MGAM: variants seen among roughly 807,000 people sequenced by gnomAD.
The protein encoded by MGAM is maltase-glucoamylase.
A neutral mutation model predicts 358.8 loss-of-function variants in MGAM; 253 were observed. The ratio of observed to expected loss-of-function variants is 0.71; its 90% confidence interval spans 0.64 to 0.78. The LOEUF (loss-of-function observed/expected upper bound fraction) is 0.78. Ranked by LOEUF, MGAM falls within the 30% of genes least tolerant of loss-of-function variation. MGAM has a pLI of 0.00. For synonymous variants in MGAM, 1,105 were observed against 1,227.1 expected (o/e 0.90, Z 2.08); for missense variants, 3,080 against 3,432.6 (o/e 0.90, Z 2.57).
intron 14 of MGAM, 50 bp from the exon 15 acceptor site, chr7:142,034,212 A>C: frequency 7.3e-7 from 1 of 1,361,728 alleles, no homozygotes; most frequent in Non-Finnish European, 1.0e-6. Flanking sequence ...GTCAAGGAGC[A>C]GAAAATGTGC....
chr7:142,054,884 G>A lies in MGAM; in HGVS notation c.3290G>A (p.Arg1097His), dbSNP rs768127980. ...IKKNPFGIEI[R>H]RKSTGTIIWD... ...AAGAATCCATTTGGGATTGAAATTCGCCGGAAGAGTACAGGCACTATAATG... is the reference window on the plus strand; with the variant it reads ...AAGAATCCATTTGGGATTGAAATTCACCGGAAGAGTACAGGCACTATAATG... The change falls in exon 27 of 71, where the codon CGC becomes CAC. Residue 1097 changes from arginine to histidine, a missense_variant. By Grantham distance (29) the Arg-to-His change is conservative. Transcript: ENST00000475668. 12 of 1,613,800 alleles carry A rather than the reference G, an allele frequency of 7.4e-6. No individual in the cohort carries two copies. Among genetic ancestry groups the A allele is most frequent in the Admixed American group, 1.7e-5 (1 of 60,008 alleles).
chr7:142,088,954 T>G (rs536868980), intron 57 of MGAM, among the ~76,000 whole-genome samples: 1 of 129,260 alleles, frequency 7.7e-6, no homozygotes, highest in Non-Finnish European at 1.7e-5. Context: ...TATTTATATA[T>G]CATCTATCTC....
chr7:142,092,110 T>C, intron 58 of MGAM, 63 bp downstream of exon 58: 1 of 1,512,630 alleles, frequency 6.6e-7, no homozygotes, highest in Non-Finnish European at 9.0e-7. Flanking sequence ...CCTACGTGTA[T>C]GTACCACTGA....
chr7:142,045,107 TACGTG>T (rs1809896391), intron 21 of MGAM, among the ~76,000 whole-genome samples: 1 of 72,838 alleles, frequency 1.4e-5, no homozygotes, highest in African/African-American at 4.8e-5. Context: ...ATATTATATA[TACGTG>T]CAATATATGA....
intron 2 of MGAM, among the ~76,000 whole-genome samples, chr7:142,006,835 GTTAT>G (rs1440506436): frequency 3.9e-5 from 6 of 152,236 alleles, no homozygotes; most frequent in African/African-American, 9.6e-5. Flanking sequence ...TGTTTCTGGT[GTTAT>G]TTGTCAGTCC....
intron 22 of MGAM, among the ~76,000 whole-genome samples, chr7:142,049,613 T>C (rs1315234832): frequency 1.3e-5 from 2 of 152,108 alleles, no homozygotes; most frequent in Non-Finnish European, 2.9e-5. Flanking sequence ...AAAGATCAAA[T>C]GACCCAATTA....
chr7:142,044,269 C>T (rs1211985481), intron 21 of MGAM, among the ~76,000 whole-genome samples: 1 of 89,256 alleles, frequency 1.1e-5, no homozygotes, highest in Non-Finnish European at 2.7e-5. Flanking sequence ...ATAATATATA[C>T]ATTATATACA....
At chr7:142,026,976 C>G in intron 8 of MGAM, 139 bp from the exon 9 acceptor site, 1 of 617,432 alleles carries the variant, frequency 1.6e-6, no homozygotes, top group Non-Finnish European at 2.8e-6. Flanking sequence ...AGGGTTTTCA[C>G]TTGGTATTCA....
At chr7:142,041,568 C>T (rs972424463) in intron 21 of MGAM, among the ~76,000 whole-genome samples, 2 of 151,866 alleles carry the variant, frequency 1.3e-5, no homozygotes, top group African/African-American at 4.8e-5. Flanking sequence ...AGTCCAAAGT[C>T]TTTCATTAAT....
At position 142,071,070 on chromosome 7, in the gene MGAM, G is replaced by A. The variant is rs1241828368; in HGVS notation, c.5138G>A (p.Gly1713Glu). Reference protein sequence around the residue: ...PLDHINLHVRGGYILPWQEPA... With the variant: ...PLDHINLHVREGYILPWQEPA... ...GACCACATTAATCTTCATGTCCGTGGGGGCTACATCCTGCCCTGGCAAGAG... is the reference window on the plus strand; with the variant it reads ...GACCACATTAATCTTCATGTCCGTGAGGGCTACATCCTGCCCTGGCAAGAG... The change falls in exon 44 of 71, where the codon GGG becomes GAG. Residue 1713 changes from glycine (G) to glutamate (E), a missense_variant. Physicochemically the swap from Gly to Glu is moderately conservative, Grantham distance 98 (BLOSUM62 -2). Transcript: ENST00000475668. The A allele has an allele frequency of 6.4e-7, 1 of 1,556,322 alleles. No individual in the cohort carries two copies. The highest frequency in any genetic ancestry group is 1.7e-5 in the Admixed American group (1 of 58,506).
intron 35 of MGAM, among the ~76,000 whole-genome samples, chr7:142,062,943 A>G (rs554686033): frequency 2.0e-5 from 3 of 152,312 alleles, no homozygotes; most frequent in African/African-American, 7.2e-5. Context: ...TCACGCCTGT[A>G]ATCCCAGCAC....
Position 142,000,413 on chromosome 7 carries a change from G to A in MGAM, c.-3+4483G>A, listed in dbSNP as rs143302703. On this transcript the variant is annotated intron_variant, in intron 1 of 70. Transcript: ENST00000475668. ...GGTTTCTTCAGGAAATGATCCAAGA[G>A]AAAGAGCAAGGAGGAAGCTGTAATG... Among the ~76,000 whole-genome samples the A allele has an allele frequency of 5.0e-3, 760 of 152,242 alleles. 5 individuals are homozygous for A. The highest frequency in any genetic ancestry group is 8.6e-3 in the Non-Finnish European group (585 of 68,012).
At chr7:142,050,994 G>A in intron 24 of MGAM, 130 bp downstream of exon 24, 1 of 1,215,408 alleles carries the variant, frequency 8.2e-7, no homozygotes, top group Non-Finnish European at 1.2e-6. Flanking sequence ...GGAAGTGAGA[G>A]GGCTGGGGAA....
In MGAM at chr7:142,089,649, G is replaced by A. The variant is rs915082131; in HGVS notation, c.6811-2264G>A. 2.1e-5 allele frequency among the ~76,000 whole-genome samples: 3 copies of A among 145,400 alleles called. No individual in the cohort carries two copies. In the East Asian group the frequency reaches 6.1e-4, roughly 30 times the overall value. On this transcript the variant is annotated intron_variant, in intron 57 of 70. Coordinates refer to ENST00000475668, the MANE Select transcript of MGAM (RefSeq NM_001365693.1). ...TTACTAAAAATACAAAAGTTAGCCAGGCGTGGTGGCACGCGCCTGTAATCC... is the reference window on the plus strand; with the variant it reads ...TTACTAAAAATACAAAAGTTAGCCAAGCGTGGTGGCACGCGCCTGTAATCC...
intron 21 of MGAM, among the ~76,000 whole-genome samples, chr7:142,041,832 G>A (rs1350392930): frequency 3.8e-5 from 5 of 131,134 alleles, no homozygotes; most frequent in African/African-American, 1.1e-4. Context: ...AGCAGAGGAA[G>A]CACTGCCACT....
In MGAM at chr7:142,040,907, C is replaced by G; in HGVS notation, c.2498+61C>G. 2.6e-6 allele frequency: 4 copies of G among 1,526,700 alleles called. No individual in the cohort carries two copies. The South Asian group carries it at 3.9e-5, about 15-fold the overall frequency. 94.6% of individuals were successfully genotyped at this position (1,526,700 alleles called of 1,614,324 possible). On this transcript the variant is annotated intron_variant, in intron 21 of 70. Transcript: ENST00000475668. ...GTCCTTGCTTAAACCCTTTGAATTT[C>G]TTTTCGAAACACACTAACAGCCAGG... is the stretch of plus-strand genomic sequence containing the variant.
chr7:141,987,624 G>A (rs1803771867), intron 2 of MGAM, among the ~76,000 whole-genome samples: 1 of 151,718 alleles, frequency 6.6e-6, no homozygotes, highest in Admixed American at 6.6e-5. Flanking sequence ...AATAATGGGG[G>A]TTTCTAGAAC....
intron 70 of MGAM, 109 bp from the exon 71 acceptor site, chr7:142,105,705 A>G: frequency 2.6e-6 from 2 of 780,406 alleles, no homozygotes; most frequent in Non-Finnish European, 2.2e-6. Flanking sequence ...AGACAATACA[A>G]TGTAGAAGTA....
intron 17 of MGAM, 87 bp from the exon 18 acceptor site, chr7:142,036,736 G>C: frequency 1.4e-6 from 2 of 1,395,170 alleles, no homozygotes; most frequent in Non-Finnish European, 2.0e-6. Flanking sequence ...GGAAATTCTT[G>C]GTTGTAATGA....
Sources: gnomAD v4.1 joint callset for allele counts (sites outside exome capture counted in the v4.1 genomes callset) on GRCh38, gnomAD v4.1.1 for gene constraint, MANE v1.5 for transcripts, NCBI Gene and HGNC (gene_info 2026-07-23, HGNC 2026-07-21) for gene names.